Variants in FRAS1 observed in about 807,000 individuals in gnomAD.
The protein encoded by FRAS1 is extracellular matrix organizing protein FRAS1.
A neutral mutation model predicts 435.2 loss-of-function variants in FRAS1; 290 were observed. The ratio of observed to expected loss-of-function variants is 0.67; its 90% CI spans 0.61 to 0.73. The LOEUF is 0.73. Among genes scored for constraint, FRAS1 ranks in the 30% least tolerant of loss-of-function variants. The probability of loss-of-function intolerance (pLI) is 0.00; values close to 1 mark genes in which losing one functional copy is unlikely to be tolerated. For missense variants in FRAS1, 4,860 were observed against 5,001.5 expected (o/e 0.97, Z 0.85); for synonymous variants, 1,800 against 1,851.0 (o/e 0.97, Z 0.71).
At chr4:78,340,540 G>C (rs987468625) in intron 20 of FRAS1, among the ~76,000 whole-genome samples, 1 of 152,192 alleles carries the variant, frequency 6.6e-6, no homozygotes, top group African/African-American at 2.4e-5. Flanking sequence ...TCTGTGCCAG[G>C]CATTGTACTG....
rs759587541 is a variant in FRAS1, at chr4:78,407,795, A to T, written c.4262A>T (p.Tyr1421Phe). 1.9e-6 allele frequency: 3 copies of T among 1,613,264 alleles called. No individual in the cohort carries two copies. In the South Asian group the frequency reaches 3.3e-5, roughly 18 times the overall value. Residue 1421 changes from tyrosine (Y) to phenylalanine (F), a missense_variant, in exon 31 of 74, where the codon TAC (tyrosine) becomes TTC (phenylalanine). Physicochemically the swap from Tyr to Phe is conservative, Grantham distance 22 (BLOSUM62 3). Transcript: ENST00000512123. The part of the protein sequence containing the change: ...QQDINEGIVW[Y>F]RHSGAPAQSD... ...GACATCAATGAAGGCATCGTATGGTACAGGCACTCAGGAGCCCCAGCCCAG... is the reference window on the plus strand; with the variant it reads ...GACATCAATGAAGGCATCGTATGGTTCAGGCACTCAGGAGCCCCAGCCCAG...
At chr4:78,469,675 G>T (rs752666989) in intron 50 of FRAS1, among the ~76,000 whole-genome samples, 14 of 151,730 alleles carry the variant, frequency 9.2e-5, no homozygotes, top group Non-Finnish European at 2.1e-4. Flanking sequence ...CTCAACTAAA[G>T]AAGACATAGG....
At chr4:78,536,199 T>G (rs944049164) in intron 71 of FRAS1, among the ~76,000 whole-genome samples, 1 of 149,158 alleles carries the variant, frequency 6.7e-6, no homozygotes, top group Non-Finnish European at 1.5e-5. Context: ...GGATTTTTTT[T>G]TTTTTTTTTT....
chr4:78,360,800 C>T (rs1731046488), intron 20 of FRAS1, among the ~76,000 whole-genome samples: 1 of 152,206 alleles, frequency 6.6e-6, no homozygotes, highest in African/African-American at 2.4e-5. Flanking sequence ...CTTATTTAAA[C>T]AGAGATCCCA....
Position 78,543,135 on chromosome 4 carries a change from G to A in FRAS1, c.*2011G>A, listed in dbSNP as rs1260136472. The A allele has an allele frequency of 6.6e-6, 1 of 152,204 alleles. No individual in the cohort carries two copies. Among genetic ancestry groups the A allele is most frequent in the African/African-American group, 2.4e-5 (1 of 41,450 alleles). The allele number at this position is 152,204 out of a possible 1,614,324, so 9.4% of individuals were successfully genotyped here. On this transcript the variant is annotated 3_prime_UTR_variant, in exon 74 of 74. Transcript: ENST00000512123. ...TCCTGACTGGTCAGGTGCTACTTAA[G>A]ACCAGCTTGGGCAATTCAGGGCAGA...
At chr4:78,462,399 A>C (rs1719398213) in intron 47 of FRAS1, among the ~76,000 whole-genome samples, 1 of 152,124 alleles carries the variant, frequency 6.6e-6, no homozygotes. Flanking sequence ...AAGAAAAAGA[A>C]AAGAAAAAGA....
chr4:78,511,138 T>G, intron 63 of FRAS1, 136 bp from the exon 64 acceptor site: 1 of 726,682 alleles, frequency 1.4e-6, no homozygotes, highest in South Asian at 2.0e-5. Context: ...AATAATTACG[T>G]GATGAATGAA....
At chr4:78,227,917 T>C (rs1167066569) in intron 2 of FRAS1, among the ~76,000 whole-genome samples, 1 of 152,196 alleles carries the variant, frequency 6.6e-6, no homozygotes, top group Non-Finnish European at 1.5e-5. Flanking sequence ...TGAGAATATA[T>C]GCCCATCTAT....
At chr4:78,205,191 CTTTT>C (rs33943058) in intron 2 of FRAS1, among the ~76,000 whole-genome samples, 2 of 138,972 alleles carry the variant, frequency 1.4e-5, no homozygotes, top group Non-Finnish European at 3.1e-5. Flanking sequence ...TCTTTCCTTC[CTTTT>C]TTTTTTTTTT....
In FRAS1 at chr4:78,446,722, A is replaced by C. The variant is rs1718842724; in HGVS notation, c.5857-5A>C. The C allele has an allele frequency of 6.2e-7, 1 of 1,611,654 alleles. No homozygotes were observed. The highest frequency in any genetic ancestry group is 1.3e-5 in the African/African-American group (1 of 74,818). On this transcript the variant is annotated splice_region_variant and splice_polypyrimidine_tract_variant and intron_variant, in intron 42 of 73. Transcript: ENST00000512123. ...GTGAGATCTAATAGTTTATGCTTTA[A>C]TCAGAGGAAGAACGATGAGCCTCCC... is the stretch of plus-strand genomic sequence containing the variant.
intron 3 of FRAS1, among the ~76,000 whole-genome samples, chr4:78,242,460 G>A (rs945524001): frequency 1.1e-4 from 17 of 152,230 alleles, no homozygotes; most frequent in Non-Finnish European, 2.1e-4. Context: ...ATTTTAGACA[G>A]AGTTTCACTC....
chr4:78,360,882 T>C (rs1309446982), intron 20 of FRAS1, among the ~76,000 whole-genome samples: 66 of 152,230 alleles, frequency 4.3e-4, no homozygotes, highest in Admixed American at 4.3e-3. Flanking sequence ...TACTTTCTCT[T>C]GAAAGCATCC....
intron 61 of FRAS1, among the ~76,000 whole-genome samples, chr4:78,506,708 G>A (rs55649143): frequency 0.51 from 77,466 of 151,926 alleles, 20,439 homozygotes; most frequent in East Asian, 0.72. Flanking sequence ...TGCACTTCTC[G>A]GGTGAGGCGA....
Position 78,385,227 on chromosome 4 carries a change from A to T in FRAS1, c.3648+1084A>T, listed in dbSNP as rs138162030. 4.0e-3 allele frequency among the ~76,000 whole-genome samples: 607 copies of T among 152,342 alleles called. 3 individuals are homozygous for T. The highest frequency in any genetic ancestry group is 7.7e-3 in the South Asian group (37 of 4,830). On this transcript the variant is annotated intron_variant, in intron 28 of 73. Transcript: ENST00000512123. ...TTGAGGGATTGAAGAGCCGAAATGT[A>T]TGAAGAATAGGGAAATAGGTATATT...
intron 37 of FRAS1, 106 bp downstream of exon 37, chr4:78,430,523 A>G: frequency 8.5e-7 from 1 of 1,173,948 alleles, no homozygotes; most frequent in Non-Finnish European, 1.2e-6. Context: ...TTTGTGATAC[A>G]GACTATGAGG....
intron 16 of FRAS1, 94 bp from the exon 17 acceptor site, chr4:78,317,274 G>C (rs904506875): frequency 2.1e-6 from 3 of 1,412,146 alleles, no homozygotes; most frequent in Non-Finnish European, 3.0e-6. Context: ...ATCCACAGGG[G>C]ACTAAGAGTC....
Position 78,243,938 on chromosome 4 carries a change from T to C in FRAS1, c.217-1295T>C, listed in dbSNP as rs1300319655. ...GGAAATTAGGCTAATGTAGTTTCTC[T>C]AATTGTTTTAGTGGAAATCAGACAA... On this transcript the variant is annotated intron_variant, in intron 3 of 73. Transcript: ENST00000512123. Among the ~76,000 whole-genome samples, 5 of 152,176 alleles carry C rather than the reference T, an allele frequency of 3.3e-5. No individual in the cohort carries two copies. The East Asian group carries it at 9.6e-4, about 29-fold the overall frequency.
chr4:78,475,396 C>G, intron 53 of FRAS1, 42 bp from the exon 54 acceptor site: 1 of 1,610,108 alleles, frequency 6.2e-7, no homozygotes. Flanking sequence ...TTTTCATAAC[C>G]ATGGGGCATA....
At chr4:78,291,367 A>G (rs376344508) in intron 14 of FRAS1, among the ~76,000 whole-genome samples, 23 of 152,170 alleles carry the variant, frequency 1.5e-4, no homozygotes, top group Middle Eastern at 3.4e-3. Context: ...TGCAACCTAG[A>G]TCCCTCACAT....
Sources: gnomAD v4.1 joint callset for allele counts (sites outside exome capture counted in the v4.1 genomes callset) on GRCh38, gnomAD v4.1.1 for gene constraint, MANE v1.5 for transcripts, NCBI Gene and HGNC (gene_info 2026-07-23, HGNC 2026-07-21) for gene names.